The following DGKD variants were observed in gnomAD, a reference collection of about 807,000 sequenced individuals.
DGKD encodes the protein DAG kinase delta.
Under a neutral mutation model 154.4 loss-of-function variants are expected in DGKD, and 68 were observed. The observed-to-expected ratio is 0.44, with a 90% CI of 0.36 to 0.54. The LOEUF (loss-of-function observed/expected upper bound fraction) is 0.54, where lower values mean the gene tolerates loss of function less well. Among genes scored for constraint, DGKD ranks in the 20% least tolerant of loss-of-function variants. The pLI is 0.00. For synonymous variants in DGKD, 693 were observed against 638.0 expected (o/e 1.09, Z -1.30); for missense variants, 1,343 against 1,593.6 (o/e 0.84, Z 2.68).
At chr2:233,385,842 A>G (rs1005887330) in intron 1 of DGKD, 9 of 414,872 alleles carry the variant, frequency 2.2e-5, no homozygotes, top group Non-Finnish European at 4.0e-5. Context: ...GAAGGCTTCA[A>G]AGAAATAATG....
At chr2:233,398,705 A>C (rs1442705056) in intron 3 of DGKD, among the ~76,000 whole-genome samples, 1 of 152,078 alleles carries the variant, frequency 6.6e-6, no homozygotes, top group East Asian at 1.9e-4. Flanking sequence ...GCTCACTGCA[A>C]CTTCCACCTT....
In DGKD at chr2:233,452,566, G is replaced by C. The variant is rs1214118307; in HGVS notation, c.2264+506G>C. 6.6e-6 allele frequency among the ~76,000 whole-genome samples: 1 copy of C among 152,090 alleles called. No individual in the cohort carries two copies. Among genetic ancestry groups the C allele is most frequent in the African/African-American group, 2.4e-5 (1 of 41,414 alleles). ...CTGTGTGTCTCCCTTGTGTCTCCGAGCACCTTAGGGAGACACTAGCCTGTG... is the reference window on the plus strand; with the variant it reads ...CTGTGTGTCTCCCTTGTGTCTCCGACCACCTTAGGGAGACACTAGCCTGTG... On this transcript the variant is annotated intron_variant, in intron 18 of 29. Transcript: ENST00000264057. The surrounding 1 kb of genome is among the most constrained non-coding windows in gnomAD (Gnocchi z 4.0).
chr2:233,397,156 TGCGGGGGGGGCCAGA>T (rs2061420223), intron 3 of DGKD, among the ~76,000 whole-genome samples: 2 of 76,780 alleles, frequency 2.6e-5, no homozygotes, highest in African/African-American at 1.2e-4. Flanking sequence ...CCAGGGTGGC[TGCGGGGGGGGCCAGA>T]GTGAGAGGAC....
intron 3 of DGKD, chr2:233,409,028 T>TG (rs1187620005): frequency 6.6e-6 from 1 of 152,272 alleles, no homozygotes; most frequent in Non-Finnish European, 1.5e-5. Flanking sequence ...GAGAAGATGC[T>TG]GTCCTCTTCT....
intron 3 of DGKD, among the ~76,000 whole-genome samples, chr2:233,390,977 C>T (rs1446700656): frequency 1.3e-5 from 2 of 152,204 alleles, no homozygotes; most frequent in Admixed American, 6.5e-5. Context: ...AGGTGATCCA[C>T]CCTCCTTGGC....
intron 25 of DGKD, 31 bp from the exon 26 acceptor site, chr2:233,462,612 C>T (rs1249954613): frequency 3.1e-6 from 5 of 1,603,450 alleles, no homozygotes; most frequent in Non-Finnish European, 4.3e-6. Flanking sequence ...CGGCCCCCCG[C>T]CCCCATGCAT....
chr2:233,404,186 A>G (rs2061626197), intron 3 of DGKD, among the ~76,000 whole-genome samples: 2 of 152,028 alleles, frequency 1.3e-5, no homozygotes, highest in Non-Finnish European at 2.9e-5. Flanking sequence ...GATTCCCCAT[A>G]TCATGAGTCT....
Position 233,468,467 on chromosome 2 carries a change from C to T in DGKD, c.3469C>T (p.Leu1157Phe). Residue 1157 changes from leucine to phenylalanine, a missense_variant, in exon 29 of 30, where the codon CTC becomes TTC. Coordinates refer to ENST00000264057, the MANE Select transcript of DGKD (RefSeq NM_152879.3). ...GGAGGTTGCTGCCTGGCTGGAGCAC[C>T]TCAGTCTCTGTGAGTATAAGGACAT... ...TEEVAAWLEH[L>F]SLCEYKDIFT... 4 of 1,613,550 alleles carry T rather than the reference C, an allele frequency of 2.5e-6. No homozygotes were observed. The highest frequency in any genetic ancestry group is 3.4e-6 in the Non-Finnish European group (4 of 1,179,932).
At chr2:233,364,032 G>A (rs1326137878) in intron 1 of DGKD, among the ~76,000 whole-genome samples, 1 of 152,212 alleles carries the variant, frequency 6.6e-6, no homozygotes, top group Admixed American at 6.5e-5. Flanking sequence ...GGAGGTTGCA[G>A]TGAGTCGAGA....
rs1281763842 is a variant in DGKD at position 233,460,071 on chromosome 2, A to G, written c.2830-123A>G. ...GGACCATCTCCTTCCCCTAATGTTA[A>G]AAAAAAAAAAAAGTCCTATTTGTCT... On this transcript the variant is annotated intron_variant, in intron 23 of 29. Coordinates refer to ENST00000264057, the MANE Select transcript of DGKD (RefSeq NM_152879.3). 1.1e-5 allele frequency: 8 copies of G among 721,982 alleles called. No individual in the cohort carries two copies. The African/African-American group carries it at 1.5e-4, about 13-fold the overall frequency. 44.7% of individuals were successfully genotyped at this position (721,982 alleles called of 1,614,324 possible). A position where few individuals can be genotyped will look rare whatever the true frequency, so the allele number is the denominator to read the frequency against.
intron 3 of DGKD, among the ~76,000 whole-genome samples, chr2:233,408,454 A>G (rs756599514): frequency 6.6e-6 from 1 of 152,198 alleles, no homozygotes; most frequent in Non-Finnish European, 1.5e-5. Context: ...AGTCCTCTTG[A>G]GTGTGAAGTG....
At position 233,463,392 on chromosome 2, in the gene DGKD, A is replaced by ACATCTCCTCACTCCACG. The variant is rs1393963903; in HGVS notation, c.3186+712_3187-701dup. Among the ~76,000 whole-genome samples, 179 of 69,932 alleles carry ACATCTCCTCACTCCACG rather than the reference A, an allele frequency of 2.6e-3. 10 individuals are homozygous for ACATCTCCTCACTCCACG. Among genetic ancestry groups the ACATCTCCTCACTCCACG allele is most frequent in the Non-Finnish European group, 2.8e-3 (99 of 34,820 alleles). 45.9% of individuals were successfully genotyped at this position (69,932 alleles called of 152,430 possible). On this transcript the variant is annotated intron_variant, in intron 26 of 29. Transcript: ENST00000264057. ...CACTCCACACATCTCCTCACTCCAC[A>ACATCTCCTCACTCCACG]CATCTCCTCACTCCACGCATCTCCT...
chr2:233,409,787 GTTTTTTTTTTTTTTT>G (rs3075533), intron 3 of DGKD, among the ~76,000 whole-genome samples: 3 of 60,894 alleles, frequency 4.9e-5, no homozygotes, highest in African/African-American at 7.4e-5. Flanking sequence ...CCCCCATACC[GTTTTTTTTTTTTTTT>G]TTTTTTTTTT....
intron 3 of DGKD, among the ~76,000 whole-genome samples, chr2:233,412,108 A>G (rs957960271): frequency 6.6e-6 from 1 of 152,146 alleles, no homozygotes; most frequent in Non-Finnish European, 1.5e-5. Context: ...ATTTTCATAT[A>G]AATTTTAATA....
chr2:233,435,966 C>A, intron 6 of DGKD, 42 bp downstream of exon 6: 1 of 1,549,860 alleles, frequency 6.5e-7, no homozygotes, highest in Non-Finnish European at 8.8e-7. Context: ...GAGCCAGGGT[C>A]CCCCACCTGC....
In DGKD at chr2:233,424,198, G is replaced by A. The variant is rs115931062; in HGVS notation, c.349-10182G>A. 8.7e-3 allele frequency among the ~76,000 whole-genome samples: 1,324 copies of A among 152,230 alleles called. 23 individuals carry two copies. Among genetic ancestry groups the A allele is most frequent in the African/African-American group, 0.028 (1,178 of 41,516 alleles). On this transcript the variant is annotated intron_variant, in intron 3 of 29. Transcript: ENST00000264057. ...TTTTGGTTTGGCCTGTGGTTTCAGC[G>A]TGACACAGTTTGCTGGACTTTGATC... is the stretch of plus-strand genomic sequence containing the variant.
chr2:233,413,214 A>G (rs961939613), intron 3 of DGKD, among the ~76,000 whole-genome samples: 1 of 152,166 alleles, frequency 6.6e-6, no homozygotes, highest in Non-Finnish European at 1.5e-5. Flanking sequence ...CCTGGCCAAC[A>G]TGGTGAAACC....
chr2:233,436,499 T>C, intron 7 of DGKD, 58 bp downstream of exon 7: 2 of 1,567,374 alleles, frequency 1.3e-6, no homozygotes, highest in Non-Finnish European at 1.7e-6. Flanking sequence ...ACCGTGCCCA[T>C]GCGGGCCTTG....
chr2:233,449,911 C>A lies in DGKD; in HGVS notation c.1889-71C>A. The A allele has an allele frequency of 6.7e-7, 1 of 1,498,190 alleles. No individual in the cohort carries two copies. The highest frequency in any genetic ancestry group is 2.4e-5 in the East Asian group (1 of 42,446). The allele number at this position is 1,498,190 out of a possible 1,614,324, so 92.8% of individuals were successfully genotyped here. A position where few individuals can be genotyped will look rare whatever the true frequency, so the allele number is the denominator to read the frequency against. On this transcript the variant is annotated intron_variant, in intron 15 of 29. Transcript: ENST00000264057. This position sits in a 1 kb window ranked among gnomAD's most constrained non-coding sequence, Gnocchi z 5.3. ...AGGCCGTGGGGTGAGGATGAGGGGC[C>A]CTCCACCCAGCCTGACAGCGCCCTT...
Sources: allele counts gnomAD v4.1 joint callset (sites outside exome capture counted in the v4.1 genomes callset), GRCh38; gene constraint gnomAD v4.1.1; non-coding constraint Gnocchi (gnomAD v3.1); transcripts MANE v1.5; gene names NCBI Gene and HGNC (gene_info 2026-07-23, HGNC 2026-07-21).